ZFHX3: variants seen among roughly 807,000 people sequenced by gnomAD.
ZFHX3 encodes zinc finger homeobox protein 3.
A neutral mutation model predicts 279.1 loss-of-function variants in ZFHX3; 42 were observed. That is an observed-to-expected ratio of 0.15 (90% CI 0.12 to 0.19). The LOEUF (loss-of-function observed/expected upper bound fraction) is 0.19. Ranked by LOEUF, ZFHX3 falls within the 10% of genes least tolerant of loss-of-function variation. The pLI is 1.00. For synonymous variants in ZFHX3, 2,293 were observed against 1,957.8 expected (o/e 1.17, Z -4.52); for missense variants, 4,981 against 4,754.0 (o/e 1.05, Z -1.40).
rs965349449 is a variant in ZFHX3, at chr16:72,800,274, T to C, written c.3865-145A>G. The C allele has an allele frequency of 2.1e-5, 14 of 658,068 alleles. No homozygotes were observed. The African/African-American group carries it at 2.5e-4, about 12-fold the overall frequency. The allele number at this position is 658,068 out of a possible 1,614,324, so 40.8% of individuals were successfully genotyped here. A position where few individuals can be genotyped will look rare whatever the true frequency, so the allele number is the denominator to read the frequency against. On this transcript the variant is annotated intron_variant, in intron 7 of 9. Transcript: ENST00000268489. Reference sequence around the variant, plus strand: ...CTTTTCATAGCTCACTGAAGATTCATGTTTATTAGACAAAGCTCACATCAG... The same window carrying C: ...CTTTTCATAGCTCACTGAAGATTCACGTTTATTAGACAAAGCTCACATCAG...
At chr16:73,744,872 C>G (rs1490200277) in intron 1 of ZFHX3, among the ~76,000 whole-genome samples, 1 of 152,156 alleles carries the variant, frequency 6.6e-6, no homozygotes, top group African/African-American at 2.4e-5. Context: ...CCCAATTTTT[C>G]AAGAACTGCC....
chr16:73,777,697 T>C (rs1487368603), intron 1 of ZFHX3, among the ~76,000 whole-genome samples: 3 of 152,170 alleles, frequency 2.0e-5, no homozygotes, highest in Non-Finnish European at 4.4e-5. Context: ...GTGCCAGTTA[T>C]GGTGCTAAGC....
intron 2 of ZFHX3, among the ~76,000 whole-genome samples, chr16:73,671,284 G>A (rs2052901311): frequency 1.3e-5 from 2 of 152,196 alleles, no homozygotes. Context: ...GATGGGTGCT[G>A]GCAGGGACCA....
chr16:73,124,968 C>T (rs186980391), intron 7 of ZFHX3, among the ~76,000 whole-genome samples: 13 of 152,232 alleles, frequency 8.5e-5, no homozygotes, highest in African/African-American at 3.1e-4. Context: ...TGGCCAAACC[C>T]AACTGGAAGC....
In ZFHX3 at chr16:73,260,270, C is replaced by T. The variant is rs140921142; in HGVS notation, c.-1193-3134G>A. 6.6e-4 allele frequency among the ~76,000 whole-genome samples: 100 copies of T among 152,164 alleles called. 2 individuals are homozygous for T. The South Asian group carries it at 0.02, about 31-fold the overall frequency. On this transcript the variant is annotated intron_variant, in intron 4 of 17. Transcript: ENST00000641206. ...TCAGTTTGTCCCAATACTGGTGATG[C>T]CATTTCGATTGCTTGGTTAGAGTGG...
At chr16:73,146,665 T>C (rs529430666) in intron 5 of ZFHX3, among the ~76,000 whole-genome samples, 33 of 152,076 alleles carry the variant, frequency 2.2e-4, no homozygotes, top group Non-Finnish European at 3.8e-4. Context: ...TTTTAATTAA[T>C]TATTATTATT....
chr16:72,951,820 T>A (rs1045405883), intron 2 of ZFHX3, among the ~76,000 whole-genome samples: 1 of 152,224 alleles, frequency 6.6e-6, no homozygotes, highest in African/African-American at 2.4e-5. Context: ...CAGCAGTCAC[T>A]GGCTACCTGT....
At chr16:72,811,122 C>T (rs551888119) in intron 7 of ZFHX3, among the ~76,000 whole-genome samples, 1 of 152,202 alleles carries the variant, frequency 6.6e-6, no homozygotes, top group South Asian at 2.1e-4. Flanking sequence ...TGGCCTCAAG[C>T]AATCCCCCCA....
At chr16:73,260,773 C>G (rs971007986) in intron 4 of ZFHX3, among the ~76,000 whole-genome samples, 2 of 148,098 alleles carry the variant, frequency 1.4e-5, no homozygotes, top group Admixed American at 6.9e-5. Context: ...ACCTCCGCCT[C>G]CCGGGTTTAA....
intron 2 of ZFHX3, among the ~76,000 whole-genome samples, chr16:73,473,349 A>C (rs546786109): frequency 0.014 from 705 of 51,072 alleles, 17 homozygotes; most frequent in East Asian, 0.085. Flanking sequence ...CAAAAAAAAA[A>C]AAAAAAAACA....
chr16:73,430,182 G>T (rs1382800797), intron 3 of ZFHX3, among the ~76,000 whole-genome samples: 1 of 152,078 alleles, frequency 6.6e-6, no homozygotes, highest in Non-Finnish European at 1.5e-5. Flanking sequence ...GGGTCACCCT[G>T]CTGGCTCTCC....
At chr16:73,797,256 T>A (rs1268899752) in intron 1 of ZFHX3, among the ~76,000 whole-genome samples, 1 of 152,104 alleles carries the variant, frequency 6.6e-6, no homozygotes, top group East Asian at 1.9e-4. Flanking sequence ...AGTGAAGCAC[T>A]GTTTATGCAG....
intron 1 of ZFHX3, among the ~76,000 whole-genome samples, chr16:73,023,359 G>T (rs896406084): frequency 6.6e-6 from 1 of 152,222 alleles, no homozygotes; most frequent in Non-Finnish European, 1.5e-5. Flanking sequence ...GGGCTGGAGG[G>T]AAACCCCCCT....
intron 1 of ZFHX3, among the ~76,000 whole-genome samples, chr16:73,731,876 A>G (rs192634693): frequency 6.6e-6 from 1 of 152,316 alleles, no homozygotes. Context: ...GGAAGGATAG[A>G]CTGGAAAGAG....
At chr16:73,246,455 G>A (rs971896309) in intron 5 of ZFHX3, among the ~76,000 whole-genome samples, 1 of 152,182 alleles carries the variant, frequency 6.6e-6, no homozygotes, top group Non-Finnish European at 1.5e-5. Flanking sequence ...GGCTGACTGC[G>A]CTCCTAAACA....
chr16:72,823,519 G>A (rs2036852951), intron 5 of ZFHX3, among the ~76,000 whole-genome samples: 1 of 152,180 alleles, frequency 6.6e-6, no homozygotes, highest in Non-Finnish European at 1.5e-5. Flanking sequence ...CACAGAACTA[G>A]GTAAGGGCAT....
At chr16:73,505,153 G>A (rs535078800) in intron 2 of ZFHX3, among the ~76,000 whole-genome samples, 3 of 152,038 alleles carry the variant, frequency 2.0e-5, no homozygotes, top group South Asian at 2.1e-4. Context: ...ACCGGACAGC[G>A]GAAAATATTC....
At chr16:73,837,072 C>T (rs550828777) in intron 1 of ZFHX3, among the ~76,000 whole-genome samples, 1 of 152,248 alleles carries the variant, frequency 6.6e-6, no homozygotes, top group South Asian at 2.1e-4. Flanking sequence ...TAGAAATTAC[C>T]TAGTCTCTGG....
chr16:73,183,959 G>A (rs1567412496), intron 5 of ZFHX3, among the ~76,000 whole-genome samples: 1 of 152,100 alleles, frequency 6.6e-6, no homozygotes, highest in Non-Finnish European at 1.5e-5. Context: ...GAAACTGGCA[G>A]CAATTTAGAA....
Sources: gnomAD v4.1 joint callset for allele counts (sites outside exome capture counted in the v4.1 genomes callset) on GRCh38, gnomAD v4.1.1 for gene constraint, MANE v1.5 for transcripts, NCBI Gene and HGNC (gene_info 2026-07-23, HGNC 2026-07-21) for gene names.